The following GLYATL2 variants were observed in gnomAD, a reference collection of about 807,000 sequenced individuals.
GLYATL2 encodes glycine-N-acyltransferase like 2, also known as glycine N-acyltransferase-like protein 2.
In GLYATL2, 25 loss-of-function variants were observed where a neutral mutation model predicts 21.4. The observed-to-expected ratio is 1.17, with a 90% CI of 0.85 to 1.63. GLYATL2 has a LOEUF of 1.63. Ranked by LOEUF, GLYATL2 falls within the 40% of genes most tolerant of loss-of-function variation. GLYATL2 has a pLI of 0.00. For synonymous variants in GLYATL2, 114 were observed against 118.2 expected (o/e 0.96, Z 0.23); for missense variants, 361 against 343.3 (o/e 1.05, Z -0.41).
At chr11:58,868,607 C>A (rs538834027) in intron 1 of GLYATL2, among the ~76,000 whole-genome samples, 23 of 149,156 alleles carry the variant, frequency 1.5e-4, no homozygotes, top group African/African-American at 5.3e-4. Flanking sequence ...CTAGACCACA[C>A]CCCTGGTATT....
intron 1 of GLYATL2, among the ~76,000 whole-genome samples, chr11:58,870,900 A>G (rs1405525483): frequency 3.3e-5 from 5 of 152,242 alleles, no homozygotes; most frequent in Non-Finnish European, 7.3e-5. Context: ...GTCTCTGCTC[A>G]TAAGATATGC....
chr11:58,845,403 C>T (rs1370070925), upstream of GLYATL2, among the ~76,000 whole-genome samples: 2 of 152,116 alleles, frequency 1.3e-5, no homozygotes. Flanking sequence ...AAACTTGATA[C>T]AAGCCAGGGC....
intron 1 of GLYATL2, among the ~76,000 whole-genome samples, chr11:58,856,369 C>G (rs1162523358): frequency 6.6e-6 from 1 of 152,156 alleles, no homozygotes; most frequent in East Asian, 1.9e-4. Flanking sequence ...GGCCATTTTG[C>G]TTTCTTATCA....
chr11:58,890,418 C>T (rs531933728), intron 1 of GLYATL2, among the ~76,000 whole-genome samples: 7 of 151,976 alleles, frequency 4.6e-5, no homozygotes, highest in Non-Finnish European at 8.8e-5. Flanking sequence ...TGAAATCAAC[C>T]GAGGTGCCCA....
chr11:58,893,244 G>T (rs1174584662), intron 1 of GLYATL2: 3 of 274,694 alleles, frequency 1.1e-5, no homozygotes, highest in African/African-American at 4.5e-5. Flanking sequence ...AAGTAGGAAT[G>T]GCCTACAGCA....
At chr11:58,894,534 A>G (rs1406375084) in intron 1 of GLYATL2, among the ~76,000 whole-genome samples, 1 of 152,056 alleles carries the variant, frequency 6.6e-6, no homozygotes, top group Non-Finnish European at 1.5e-5. Context: ...TAAAAAAACA[A>G]AGGAAATCTT....
At chr11:58,836,786 C>G (rs934221765) in intron 5 of GLYATL2, among the ~76,000 whole-genome samples, 2 of 152,146 alleles carry the variant, frequency 1.3e-5, no homozygotes, top group South Asian at 4.1e-4. Flanking sequence ...CCATTACCCT[C>G]TCAGAAGGAC....
intron 1 of GLYATL2, among the ~76,000 whole-genome samples, chr11:58,877,235 C>T (rs1387881604): frequency 6.6e-6 from 1 of 152,222 alleles, no homozygotes; most frequent in Non-Finnish European, 1.5e-5. Flanking sequence ...CTTGTGCTTC[C>T]CAGGTGAGGC....
At chr11:58,836,328 A>G (rs1853430990) in intron 5 of GLYATL2, among the ~76,000 whole-genome samples, 1 of 152,152 alleles carries the variant, frequency 6.6e-6, no homozygotes, top group African/African-American at 2.4e-5. Context: ...TAATGTTTCA[A>G]TGTCCCATAA....
At chr11:58,895,289 A>T (rs1450047322) in intron 1 of GLYATL2, among the ~76,000 whole-genome samples, 7 of 152,256 alleles carry the variant, frequency 4.6e-5, no homozygotes, top group Non-Finnish European at 8.8e-5. Flanking sequence ...AATTATCAGT[A>T]AACACAATAC....
At position 58,881,665 on chromosome 11, in the gene GLYATL2, G is replaced by A. The variant is rs180821076; in HGVS notation, n.60+22491C>T. 6.5e-4 allele frequency among the ~76,000 whole-genome samples: 99 copies of A among 152,182 alleles called. 1 individual carries two copies. Among genetic ancestry groups the A allele is most frequent in the African/African-American group, 2.0e-3 (85 of 41,518 alleles). ...AGGTTTGTTACATATGTATACATGT[G>A]CCATGTTGGTGTGCTGCACCCATTA... On this transcript the variant is annotated intron_variant and non_coding_transcript_variant, in intron 1 of 4. Coordinates refer to the GLYATL2 transcript ENST00000533636.
In GLYATL2 at chr11:58,837,290, C is replaced by G. The variant is rs779261591; in HGVS notation, c.294G>C (p.Glu98Asp). The change falls in exon 4 of 6, where the codon GAG (glutamate) becomes GAC (aspartate). Residue 98 changes from glutamate (E) to aspartate (D), a missense_variant. Glu to Asp is a conservative substitution (Grantham distance 45). Coordinates refer to ENST00000287275, the MANE Select transcript of GLYATL2 (RefSeq NM_145016.4). The part of the protein sequence containing the change: ...VLSYSNVISW[E>D]QTLQIQGCQE... ...AGTTACCTTGGATCTGCAAAGTTTG[C>G]TCCCAGCTGATTACATTGGAGTATG... 1.2e-6 allele frequency: 2 copies of G among 1,613,806 alleles called. No homozygotes were observed. The highest frequency in any genetic ancestry group is 1.7e-5 in the Admixed American group (1 of 59,992).
chr11:58,839,438 CT>C, intron 2 of GLYATL2, 96 bp downstream of exon 2: 3 of 653,730 alleles, frequency 4.6e-6, no homozygotes, highest in Non-Finnish European at 7.9e-6. Context: ...TCACTTTAGA[CT>C]TGCATTCCCA....
chr11:58,902,616 C>T (rs974183188), intron 1 of GLYATL2, among the ~76,000 whole-genome samples: 1 of 152,172 alleles, frequency 6.6e-6, no homozygotes, highest in Non-Finnish European at 1.5e-5. Context: ...TTCACCAGAC[C>T]TGGCCTTAGT....
chr11:58,899,174 C>A (rs190238339), intron 1 of GLYATL2, among the ~76,000 whole-genome samples: 67 of 152,226 alleles, frequency 4.4e-4, no homozygotes, highest in African/African-American at 1.5e-3. Context: ...AGATTAACAA[C>A]CAACATCACA....
At chr11:58,883,607 G>C (rs1006501937) in intron 1 of GLYATL2, among the ~76,000 whole-genome samples, 1 of 152,166 alleles carries the variant, frequency 6.6e-6, no homozygotes, top group Non-Finnish European at 1.5e-5. Flanking sequence ...TCCAGGACCA[G>C]CTGGATTCAC....
chr11:58,842,430 C>A (rs1853569619), intron 1 of GLYATL2, among the ~76,000 whole-genome samples: 1 of 151,358 alleles, frequency 6.6e-6, no homozygotes, highest in African/African-American at 2.4e-5. Context: ...CTCCTCATGT[C>A]TGCATGGATT....
At chr11:58,849,383 G>A (rs1004526474), upstream of GLYATL2, among the ~76,000 whole-genome samples, 2 of 152,078 alleles carry the variant, frequency 1.3e-5, no homozygotes, top group Admixed American at 1.3e-4. Context: ...GCCTCCCAAA[G>A]TGCTAGGATT....
intron 5 of GLYATL2, 59 bp downstream of exon 5, chr11:58,836,956 C>G: frequency 6.8e-7 from 1 of 1,466,064 alleles, no homozygotes; most frequent in South Asian, 1.2e-5. Flanking sequence ...CAAGTACAGC[C>G]TTTGTGGCAA....
Sources: gnomAD v4.1 joint callset for allele counts (sites outside exome capture counted in the v4.1 genomes callset) on GRCh38, gnomAD v4.1.1 for gene constraint, MANE v1.5 for transcripts, NCBI Gene and HGNC (gene_info 2026-07-23, HGNC 2026-07-21) for gene names.